The following CACNG6 variants were observed in gnomAD, a reference collection of about 807,000 sequenced individuals.
CACNG6 encodes the protein voltage-dependent calcium channel gamma-6 subunit.
CACNG6 carries 21 observed loss-of-function variants against 23.9 expected under a neutral mutation model. That is an observed-to-expected ratio of 0.88 (90% CI 0.62 to 1.26). The LOEUF (loss-of-function observed/expected upper bound fraction) is 1.26, where lower values mean the gene tolerates loss of function less well. Among genes scored for constraint, CACNG6 ranks in the 50% most tolerant of loss-of-function variants. CACNG6 has a pLI of 0.00. For synonymous variants in CACNG6, 182 were observed against 168.9 expected, an observed-to-expected ratio of 1.08 and a Z score of -0.60; for missense variants, 340 against 352.9, an observed-to-expected ratio of 0.96 and a Z score of 0.29.
chr19:54,000,640 A>C (rs769971518), intron 3 of CACNG6, among the ~76,000 whole-genome samples: 15 of 152,098 alleles, frequency 9.9e-5, no homozygotes, highest in Non-Finnish European at 2.1e-4. Flanking sequence ...GTGTAATGGC[A>C]TGATCTCGGC....
chr19:53,997,504 AC>A (rs1269201281), intron 1 of CACNG6, among the ~76,000 whole-genome samples: 2 of 152,090 alleles, frequency 1.3e-5, no homozygotes, highest in East Asian at 3.9e-4. Context: ...TTCATAAAGT[AC>A]CTCAGAGTGC....
chr19:53,995,037 G>A (rs7252419), intron 1 of CACNG6, among the ~76,000 whole-genome samples: 16,010 of 151,676 alleles, frequency 0.11, 1,129 homozygotes, highest in African/African-American at 0.2. Flanking sequence ...TATCACTCCC[G>A]TTCTAGAGAA....
chr19:53,995,630 C>T (rs1222360465), intron 1 of CACNG6, among the ~76,000 whole-genome samples: 1 of 152,232 alleles, frequency 6.6e-6, no homozygotes, highest in South Asian at 2.1e-4. Context: ...CAAAGAGCAC[C>T]TGCACCCTTC....
At chr19:54,004,479 A>C (rs2069617121) in intron 3 of CACNG6, among the ~76,000 whole-genome samples, 1 of 150,726 alleles carries the variant, frequency 6.6e-6, no homozygotes, top group African/African-American at 2.4e-5. Context: ...CAGCCTCCCA[A>C]AGTGTTGGGA....
chr19:54,011,225 T>TATAC (rs1273711965), intron 3 of CACNG6, among the ~76,000 whole-genome samples: 2 of 110,370 alleles, frequency 1.8e-5, no homozygotes, highest in Admixed American at 1.1e-4. Context: ...TATATATATA[T>TATAC]ATACACACAC....
intron 3 of CACNG6, among the ~76,000 whole-genome samples, chr19:54,004,336 TGTG>T (rs2069613431): frequency 3.0e-4 from 9 of 29,736 alleles, no homozygotes; most frequent in African/African-American, 4.8e-4. Flanking sequence ...TTTGTATTTT[TGTG>T]TGTGTGTGTG....
At chr19:54,008,306 T>G (rs1438542576) in intron 3 of CACNG6, among the ~76,000 whole-genome samples, 1 of 152,024 alleles carries the variant, frequency 6.6e-6, no homozygotes, top group East Asian at 1.9e-4. Context: ...TGAGCTGAGA[T>G]TGCACCATTG....
chr19:53,993,099 C>G lies in CACNG6; in HGVS notation c.222C>G (p.Ala74=). Residue 74 remains alanine, a synonymous_variant, in exon 1 of 4, where the codon GCC becomes GCG. Transcript: ENST00000252729. ...ELNTYKANGS[A]VCEAAHLGLW... is the part of the protein sequence containing the mutation. ...ACACCTACAAGGCCAACGGCAGCGC[C>G]GTGTGCGAAGCGGCCCACCTGGGGC... The G allele has an allele frequency of 1.3e-6, 2 of 1,546,602 alleles. No individual in the cohort carries two copies. Among genetic ancestry groups the G allele is most frequent in the Non-Finnish European group, 1.7e-6 (2 of 1,145,176 alleles).
intron 3 of CACNG6, among the ~76,000 whole-genome samples, chr19:54,008,893 T>A (rs1028409567): frequency 9.2e-5 from 14 of 152,222 alleles, no homozygotes; most frequent in African/African-American, 3.4e-4. Flanking sequence ...CTGCAGGCCC[T>A]CGATGGCCAG....
intron 1 of CACNG6, among the ~76,000 whole-genome samples, chr19:53,996,410 T>TC: frequency 6.8e-6 from 1 of 147,726 alleles, no homozygotes; most frequent in South Asian, 2.1e-4. Flanking sequence ...TTTTTTTTTT[T>TC]GAGATGTAGT....
intron 1 of CACNG6, among the ~76,000 whole-genome samples, chr19:53,997,194 A>T (rs920992727): frequency 1.3e-5 from 2 of 152,072 alleles, no homozygotes; most frequent in Admixed American, 1.3e-4. Context: ...TTTAAATTAA[A>T]TTATTAATAT....
At chr19:53,997,754 T>C (rs2145955860) in intron 1 of CACNG6, among the ~76,000 whole-genome samples, 1 of 152,338 alleles carries the variant, frequency 6.6e-6, no homozygotes, top group South Asian at 2.1e-4. Flanking sequence ...ATTTGTCAAC[T>C]GGGTTCTCTC....
chr19:54,001,253 A>G (rs530242980), intron 3 of CACNG6, among the ~76,000 whole-genome samples: 6 of 151,884 alleles, frequency 4.0e-5, no homozygotes, highest in Non-Finnish European at 8.8e-5. Context: ...CAGTGGCACA[A>G]TCTCAGCTCA....
In CACNG6 at chr19:53,998,312, A is replaced by T. The variant is rs756840959; in HGVS notation, c.405A>T (p.Lys135Asn). Residue 135 changes from lysine (K) to asparagine (N), a missense_variant and splice_region_variant, in exon 2 of 4, where the codon AAA becomes AAT. Physicochemically the swap from Lys to Asn is moderately conservative, Grantham distance 94. Transcript: ENST00000252729. ...NARIFQRTTK[K>N]EVNLAAAVIA... ...GCATCTTTCAGAGAACCACAAAGAA[A>T]GGTGAGAACTTTTCACCCCCTGCTG... The T allele has an allele frequency of 1.9e-6, 3 of 1,613,738 alleles. No homozygotes were observed. The highest frequency in any genetic ancestry group is 2.7e-5 in the African/African-American group (2 of 74,898).
intron 1 of CACNG6, 27 bp downstream of exon 1, chr19:53,993,235 G>T: frequency 6.6e-7 from 1 of 1,521,506 alleles, no homozygotes; most frequent in East Asian, 2.5e-5. Flanking sequence ...CCGAGCGCAG[G>T]GCTTGCGTCC....
In CACNG6 at chr19:54,012,621, T is replaced by A. The variant is rs2069731494; in HGVS notation, c.*432T>A. 6.3e-6 allele frequency: 1 copy of A among 157,906 alleles called. No individual in the cohort carries two copies. Among genetic ancestry groups the A allele is most frequent in the Admixed American group, 6.5e-5 (1 of 15,390 alleles). The allele number at this position is 157,906 out of a possible 1,614,324, so 9.8% of individuals were successfully genotyped here. ...CGGTTGGGGGAGATAGCGAAGGGTC[T>A]GGCCTCGCTGTGATCTGATTTGGGA... On this transcript the variant is annotated 3_prime_UTR_variant, in exon 4 of 4. Coordinates refer to ENST00000252729, the MANE Select transcript of CACNG6 (RefSeq NM_145814.2).
At chr19:54,008,171 G>A (rs893468690) in intron 3 of CACNG6, among the ~76,000 whole-genome samples, 1 of 151,842 alleles carries the variant, frequency 6.6e-6, no homozygotes, top group African/African-American at 2.4e-5. Flanking sequence ...TGGCCAACAC[G>A]GTGAAACCCC....
intron 3 of CACNG6, among the ~76,000 whole-genome samples, chr19:54,007,978 C>T (rs2069665867): frequency 6.6e-6 from 1 of 152,024 alleles, no homozygotes; most frequent in Non-Finnish European, 1.5e-5. Context: ...TTTCCACCTC[C>T]CGTTCTGTAA....
Position 54,004,716 on chromosome 19 carries a change from C to G in CACNG6, c.544+4945C>G, listed in dbSNP as rs1024739819. 3.9e-5 allele frequency among the ~76,000 whole-genome samples: 6 copies of G among 152,060 alleles called. 1 individual carries two copies. Among genetic ancestry groups the G allele is most frequent in the Admixed American group, 2.0e-4 (3 of 15,244 alleles). On this transcript the variant is annotated intron_variant, in intron 3 of 3. Coordinates refer to ENST00000252729, the MANE Select transcript of CACNG6 (RefSeq NM_145814.2). ...TCTGCTGTTCCCCAGACGCTCTAAG[C>G]TCATTCCTCCCGCAGCGTGTTTTCC... is the stretch of plus-strand genomic sequence containing the variant.
Sources: gnomAD v4.1 joint callset for allele counts (sites outside exome capture counted in the v4.1 genomes callset) on GRCh38, gnomAD v4.1.1 for gene constraint, MANE v1.5 for transcripts, NCBI Gene and HGNC (gene_info 2026-07-23, HGNC 2026-07-21) for gene names.